The following EZR variants were observed in gnomAD, a reference collection of about 807,000 sequenced individuals.
The protein encoded by EZR is cytovillin 2.
A neutral mutation model predicts 74.8 loss-of-function variants in EZR; 40 were observed. That is an observed-to-expected ratio of 0.53 (90% CI 0.42 to 0.70). The LOEUF (loss-of-function observed/expected upper bound fraction) is 0.70. Ranked by LOEUF, EZR falls within the 30% of genes least tolerant of loss-of-function variation. The pLI, the probability that EZR is intolerant of heterozygous loss-of-function variation, is 0.00. For missense variants in EZR, 678 were observed against 755.8 expected (o/e 0.90, Z 1.21); for synonymous variants, 341 against 283.3 (o/e 1.20, Z -2.05).
chr6:158,810,524 C>T (rs1284739242), intron 2 of EZR, among the ~76,000 whole-genome samples: 1 of 152,164 alleles, frequency 6.6e-6, no homozygotes, highest in Non-Finnish European at 1.5e-5. Context: ...TGTCCCTGCA[C>T]CAAGCACATA....
At chr6:158,787,245 A>C in intron 3 of EZR, 42 bp from the exon 4 acceptor site, 11 of 1,547,478 alleles carry the variant, frequency 7.1e-6, no homozygotes, top group African/African-American at 1.4e-5. Flanking sequence ...TGAGAAACTC[A>C]CTCAAAAGGG....
At chr6:158,805,496 G>T (rs1360976047) in intron 2 of EZR, among the ~76,000 whole-genome samples, 2 of 151,996 alleles carry the variant, frequency 1.3e-5, no homozygotes, top group African/African-American at 4.8e-5. Flanking sequence ...CAATGTTAAA[G>T]AACATTTCTC....
At chr6:158,776,896 C>T (rs1280536119) in intron 7 of EZR, among the ~76,000 whole-genome samples, 1 of 152,184 alleles carries the variant, frequency 6.6e-6, no homozygotes, top group Non-Finnish European at 1.5e-5. Flanking sequence ...CCAGAGCCCA[C>T]TCTCAAGCTG....
intron 7 of EZR, among the ~76,000 whole-genome samples, chr6:158,777,893 C>G (rs556066914): frequency 7.2e-6 from 1 of 139,150 alleles, no homozygotes; most frequent in South Asian, 2.4e-4. Flanking sequence ...GTGCTATGCT[C>G]TAGAATCACC....
intron 2 of EZR, among the ~76,000 whole-genome samples, chr6:158,796,174 TAG>T (rs1491098680): frequency 1.3e-5 from 2 of 152,100 alleles, no homozygotes; most frequent in Non-Finnish European, 1.5e-5. Flanking sequence ...GGCCAGCAAG[TAG>T]AGTGTTTTCA....
rs1168566087 is a variant in EZR at position 158,766,408 on chromosome 6, T to C, written c.*506A>G. On this transcript the variant is annotated 3_prime_UTR_variant, in exon 14 of 14. Coordinates refer to ENST00000367075, the MANE Select transcript of EZR (RefSeq NM_001111077.2). ...TGGAGTGACGGGAGGAGGGAATCACTGTGTGTGCGAGAGTGCTTCAGACTC... is the reference window on the plus strand; with the variant it reads ...TGGAGTGACGGGAGGAGGGAATCACCGTGTGTGCGAGAGTGCTTCAGACTC... 2.0e-5 allele frequency: 3 copies of C among 151,522 alleles called. No homozygotes were observed. Among genetic ancestry groups the C allele is most frequent in the African/African-American group, 4.8e-5 (2 of 41,344 alleles). The allele number at this position is 151,522 out of a possible 1,614,324, so 9.4% of individuals were successfully genotyped here.
rs1396902969 is a variant in EZR at position 158,765,919 on chromosome 6, ACAAACAAACACAAGCAAACAGAGTC to A, written c.*970_*994del. ...AGGCCATGGCAGAGAGAGACTGCAA[ACAAACAAACACAAGCAAACAGAGTC>A]TCTTCACAGCTGGAGTCTGAAAGCT... On this transcript the variant is annotated 3_prime_UTR_variant, in exon 14 of 14. Coordinates refer to ENST00000367075, the MANE Select transcript of EZR (RefSeq NM_001111077.2). 1 of 35,614 alleles carries A rather than the reference ACAAACAAACACAAGCAAACAGAGTC, an allele frequency of 2.8e-5. No homozygotes were observed. Among genetic ancestry groups the A allele is most frequent in the Non-Finnish European group, 9.8e-5 (1 of 10,188 alleles). The allele number at this position is 35,614 out of a possible 1,614,324, so 2.2% of individuals were successfully genotyped here. A position where few individuals can be genotyped will look rare whatever the true frequency, so the allele number is the denominator to read the frequency against.
chr6:158,781,747 G>GTATC, intron 7 of EZR, among the ~76,000 whole-genome samples: 1 of 151,774 alleles, frequency 6.6e-6, no homozygotes, highest in South Asian at 2.1e-4. Flanking sequence ...CTGGTTCCAA[G>GTATC]TACCCACTTT....
At chr6:158,786,930 C>G (rs181208988) in intron 4 of EZR, among the ~76,000 whole-genome samples, 178 bp downstream of exon 4, 13 of 152,342 alleles carry the variant, frequency 8.5e-5, no homozygotes, top group Admixed American at 7.2e-4. Context: ...AATGCCAGAT[C>G]TGATTTCCAA....
chr6:158,792,031 GTCTCT>G (rs892477663), intron 2 of EZR, among the ~76,000 whole-genome samples: 24 of 151,818 alleles, frequency 1.6e-4, no homozygotes, highest in African/African-American at 4.8e-4. Context: ...CTAAACCTGA[GTCTCT>G]TCTAAGTTTG....
chr6:158,815,403 G>A (rs1295568693), intron 2 of EZR, among the ~76,000 whole-genome samples: 1 of 152,196 alleles, frequency 6.6e-6, no homozygotes, highest in Non-Finnish European at 1.5e-5. Context: ...ACCCTCCTCT[G>A]CCAAAGAGGG....
At position 158,814,848 on chromosome 6, in the gene EZR, T is replaced by C. The variant is rs74298037; in HGVS notation, c.12+3234A>G. On this transcript the variant is annotated intron_variant, in intron 2 of 13. Coordinates refer to ENST00000367075, the MANE Select transcript of EZR (RefSeq NM_001111077.2). Reference sequence around the variant, plus strand: ...GAGCCACTGTGTACCGCCTCAGTCTTTTAAGTAACTGTTGCTTTTGGGAAA... The same window carrying C: ...GAGCCACTGTGTACCGCCTCAGTCTCTTAAGTAACTGTTGCTTTTGGGAAA... Among the ~76,000 whole-genome samples, 77 of 152,280 alleles carry C rather than the reference T, an allele frequency of 5.1e-4. No individual in the cohort carries two copies. The East Asian group carries it at 0.015, about 29-fold the overall frequency.
At position 158,766,999 on chromosome 6, in the gene EZR, C is replaced by T. The variant is rs1480356990; in HGVS notation, c.1676G>A (p.Arg559Lys). ...CGTCTTGTACTTGTCCCGGCCTTGC[C>T]TCATGTTCTCGTTGTGGATGATGTC... ...HNDIIHNENM[R>K]QGRDKYKTLR... Residue 559 changes from arginine (R) to lysine (K), a missense_variant, in exon 14 of 14, where the codon AGG (arginine) becomes AAG (lysine). Physicochemically the swap from Arg to Lys is conservative, Grantham distance 26 (BLOSUM62 2). Coordinates refer to ENST00000367075, the MANE Select transcript of EZR (RefSeq NM_001111077.2). 3.1e-6 allele frequency: 5 copies of T among 1,614,226 alleles called. No homozygotes were observed. In the Admixed American group the frequency reaches 8.3e-5, roughly 27 times the overall value.
intron 9 of EZR, 23 bp downstream of exon 9, chr6:158,771,221 C>G (rs560889226): frequency 2.2e-5 from 35 of 1,589,588 alleles, no homozygotes; most frequent in Non-Finnish European, 2.7e-5. Context: ...CAGGCCCCCC[C>G]CACTCTGGCC....
At position 158,766,869 on chromosome 6, in the gene EZR, G is replaced by C. The variant is rs1258608921; in HGVS notation, c.*45C>G. ...AGACACAAGCGTGGCGGGGCTGGCA[G>C]CGCCCGCTATGAGCACCCCTCTGCC... On this transcript the variant is annotated 3_prime_UTR_variant, in exon 14 of 14. Transcript: ENST00000367075. 6.4e-7 allele frequency: 1 copy of C among 1,574,188 alleles called. No homozygotes were observed. Among genetic ancestry groups the C allele is most frequent in the South Asian group, 1.1e-5 (1 of 87,968 alleles).
intron 10 of EZR, 127 bp from the exon 11 acceptor site, chr6:158,770,071 AG>A: frequency 2.4e-6 from 3 of 1,265,470 alleles, no homozygotes; most frequent in Non-Finnish European, 3.2e-6. Context: ...GATGTCTTCC[AG>A]TGACCCTGGA....
chr6:158,769,517 G>T (rs543365894), intron 11 of EZR, 99 bp from the exon 12 acceptor site: 1 of 1,251,048 alleles, frequency 8.0e-7, no homozygotes, highest in Non-Finnish European at 1.1e-6. Flanking sequence ...AGTCTCCAAC[G>T]TGACACCTGA....
intron 3 of EZR, 118 bp downstream of exon 3, chr6:158,789,170 T>G (rs1791665104): frequency 1.4e-6 from 1 of 691,172 alleles, no homozygotes; most frequent in Non-Finnish European, 2.5e-6. Flanking sequence ...AAGATCCTTC[T>G]CATCTATTAC....
At chr6:158,795,142 C>G (rs1437643515) in intron 2 of EZR, among the ~76,000 whole-genome samples, 4 of 152,142 alleles carry the variant, frequency 2.6e-5, no homozygotes. Flanking sequence ...ATCCCAGCTA[C>G]TCAGGAGGCT....
Sources: allele counts gnomAD v4.1 joint callset (sites outside exome capture counted in the v4.1 genomes callset), GRCh38; gene constraint gnomAD v4.1.1; transcripts MANE v1.5; gene names NCBI Gene and HGNC (gene_info 2026-07-23, HGNC 2026-07-21).